Variants in GATAD2A observed in about 807,000 individuals in gnomAD.
GATAD2A encodes transcriptional repressor p66-alpha.
GATAD2A carries 12 observed loss-of-function variants against 68.5 expected under a neutral mutation model. The ratio of observed to expected loss-of-function variants is 0.18; its 90% CI spans 0.11 to 0.28. GATAD2A has a LOEUF of 0.28. GATAD2A is among the 10% of genes least tolerant of loss of function. The pLI, the probability that GATAD2A is intolerant of heterozygous loss-of-function variation, is 1.00. For missense variants in GATAD2A, 755 were observed against 868.5 expected (o/e 0.87, Z 1.64); for synonymous variants, 410 against 375.3 (o/e 1.09, Z -1.07).
chr19:19,498,328 C>A, intron 7 of GATAD2A, 115 bp from the exon 8 acceptor site: 1 of 922,250 alleles, frequency 1.1e-6, no homozygotes, highest in Non-Finnish European at 1.6e-6. Context: ...TTAAGGACGC[C>A]ATCGTCAAGG....
rs1476444808 is a variant in GATAD2A at position 19,501,430 on chromosome 19, G to T, written c.1503+14G>T. On this transcript the variant is annotated intron_variant, in intron 9 of 11. Coordinates refer to ENST00000683918, the MANE Select transcript of GATAD2A (RefSeq NM_001384528.1). ...GTGCTGAAGCAGGTGAGCCTGGCCT[G>T]CTGCCGGCAGTGCCGTCCCTAGGAG... The T allele has an allele frequency of 6.4e-7, 1 of 1,566,828 alleles. No individual in the cohort carries two copies. Among genetic ancestry groups the T allele is most frequent in the Non-Finnish European group, 8.6e-7 (1 of 1,156,502 alleles).
chr19:19,414,984 AGT>A (rs2051422626), intron 1 of GATAD2A, among the ~76,000 whole-genome samples: 2 of 150,946 alleles, frequency 1.3e-5, no homozygotes, highest in Admixed American at 6.6e-5. Flanking sequence ...GGCCAAGTGT[AGT>A]GGCTCAGGTA....
At chr19:19,502,191 C>A in intron 10 of GATAD2A, 140 bp from the exon 11 acceptor site, 1 of 847,814 alleles carries the variant, frequency 1.2e-6, no homozygotes. Context: ...GTGTAACTTA[C>A]CTGGTCTCCT....
At position 19,494,316 on chromosome 19, in the gene GATAD2A, C is replaced by T. The variant is rs1201758674; in HGVS notation, c.557C>T (p.Thr186Ile). 4 of 1,612,154 alleles carry T rather than the reference C, an allele frequency of 2.5e-6. No homozygotes were observed. The highest frequency in any genetic ancestry group is 3.4e-6 in the Non-Finnish European group (4 of 1,178,384). Reference protein sequence around the residue: ...AQKPTGSVGSTVTTPPPLVRG... With the variant: ...AQKPTGSVGSIVTTPPPLVRG... ...CAGCCCACAGGTTCTGTTGGGAGCA[C>T]CGTGACCACCCCTCCCCCGCTTGTT... The change falls in exon 5 of 12, where the codon ACC becomes ATC. Residue 186 changes from threonine to isoleucine, a missense_variant. Thr to Ile is a moderately conservative substitution (Grantham distance 89). Transcript: ENST00000683918.
intron 1 of GATAD2A, among the ~76,000 whole-genome samples, chr19:19,393,282 G>C: frequency 6.6e-6 from 1 of 152,004 alleles, no homozygotes; most frequent in Non-Finnish European, 1.5e-5. Flanking sequence ...ACTCCAGCCT[G>C]AGTGACAGAG....
chr19:19,474,860 T>C (rs2058563503), intron 2 of GATAD2A, among the ~76,000 whole-genome samples: 1 of 152,190 alleles, frequency 6.6e-6, no homozygotes, highest in Non-Finnish European at 1.5e-5. Flanking sequence ...CTTTATAGTT[T>C]TAGCCACTGG....
At chr19:19,497,193 C>T (rs1314018670) in intron 7 of GATAD2A, among the ~76,000 whole-genome samples, 1 of 152,188 alleles carries the variant, frequency 6.6e-6, no homozygotes, top group East Asian at 1.9e-4. Context: ...CCTCCATCTC[C>T]CAGGAGATAC....
At chr19:19,409,739 T>C (rs1367285990) in intron 1 of GATAD2A, among the ~76,000 whole-genome samples, 2 of 152,214 alleles carry the variant, frequency 1.3e-5, no homozygotes, top group Admixed American at 1.3e-4. Flanking sequence ...AGACCCGTAC[T>C]GTCAGAAACA....
rs1325152009 is a variant in GATAD2A at position 19,463,069 on chromosome 19, G to C, written c.-6-2271G>C. On this transcript the variant is annotated intron_variant, in intron 1 of 11. Transcript: ENST00000683918. The stretch of plus-strand genomic sequence containing the variant: ...ATCCCCAACAGTAGTTATAAGGCCA[G>C]ACTGGGAAGCTTCATCCGTAGAGTG... 2.0e-5 allele frequency among the ~76,000 whole-genome samples: 3 copies of C among 152,184 alleles called. No homozygotes were observed. In the East Asian group the frequency reaches 5.8e-4, roughly 29 times the overall value.
At chr19:19,405,619 CT>C (rs2050126965), upstream of GATAD2A, among the ~76,000 whole-genome samples, 1 of 151,924 alleles carries the variant, frequency 6.6e-6, no homozygotes, top group Non-Finnish European at 1.5e-5. Context: ...CCTTCTACGC[CT>C]GGAACCCCGC....
intron 1 of GATAD2A, among the ~76,000 whole-genome samples, chr19:19,425,063 A>AT (rs1245134072): frequency 2.0e-5 from 3 of 150,318 alleles, no homozygotes; most frequent in Non-Finnish European, 4.4e-5. Context: ...CTGTGCAACA[A>AT]TAAAAAAAAA....
At chr19:19,430,999 G>GTGTGTGTA (rs1555699906) in intron 1 of GATAD2A, among the ~76,000 whole-genome samples, 1 of 151,372 alleles carries the variant, frequency 6.6e-6, no homozygotes, top group Non-Finnish European at 1.5e-5. Flanking sequence ...GTGTGTGTGT[G>GTGTGTGTA]TGTGTGTGTG....
chr19:19,475,814 T>C (rs948132617), intron 2 of GATAD2A, among the ~76,000 whole-genome samples: 2 of 152,150 alleles, frequency 1.3e-5, no homozygotes, highest in African/African-American at 4.8e-5. Flanking sequence ...AATTTCCCTT[T>C]ATCTGGGACT....
chr19:19,395,626 TATATTATC>T (rs2049174908), intron 1 of GATAD2A, among the ~76,000 whole-genome samples: 1 of 152,178 alleles, frequency 6.6e-6, no homozygotes, highest in Non-Finnish European at 1.5e-5. Flanking sequence ...GGTTTCTTGT[TATATTATC>T]ACAGTGTTCC....
rs891808836 is a variant in GATAD2A at position 19,507,174 on chromosome 19, C to T, written c.*1700C>T. ...AGATTGGGGAAGGGTGGCTTTCATT[C>T]CAAGATCCAGGGATTTGGGGAAAAG... On this transcript the variant is annotated 3_prime_UTR_variant, in exon 12 of 12. Transcript: ENST00000683918. 6.7e-6 allele frequency: 1 copy of T among 148,942 alleles called. No individual in the cohort carries two copies. Among genetic ancestry groups the T allele is most frequent in the Non-Finnish European group, 1.5e-5 (1 of 67,702 alleles). The allele number at this position is 148,942 out of a possible 1,614,324, so 9.2% of individuals were successfully genotyped here.
chr19:19,405,196 T>C (rs2050074143), upstream of GATAD2A, among the ~76,000 whole-genome samples: 1 of 152,184 alleles, frequency 6.6e-6, no homozygotes, highest in African/African-American at 2.4e-5. Context: ...TTCTGTTCAC[T>C]GCACTGGAGA....
In GATAD2A at chr19:19,506,713, C is replaced by G. The variant is rs2060881881; in HGVS notation, c.*1239C>G. 1 of 151,964 alleles carries G rather than the reference C, an allele frequency of 6.6e-6. No individual in the cohort carries two copies. Among genetic ancestry groups the G allele is most frequent in the Non-Finnish European group, 1.5e-5 (1 of 67,984 alleles). 9.4% of individuals were successfully genotyped at this position (151,964 alleles called of 1,614,324 possible). ...ATTTTTGTTTCTTTCCCGTCCCACTCTTTAAAAACTGGTTCCGTGAGGAAA... is the reference window on the plus strand; with the variant it reads ...ATTTTTGTTTCTTTCCCGTCCCACTGTTTAAAAACTGGTTCCGTGAGGAAA... On this transcript the variant is annotated 3_prime_UTR_variant, in exon 12 of 12. Coordinates refer to ENST00000683918, the MANE Select transcript of GATAD2A (RefSeq NM_001384528.1).
intron 2 of GATAD2A, among the ~76,000 whole-genome samples, chr19:19,482,126 C>A (rs1431964672): frequency 6.6e-6 from 1 of 151,158 alleles, no homozygotes; most frequent in Admixed American, 6.6e-5. Flanking sequence ...AAAATATGAC[C>A]GAGCGCGGTG....
At chr19:19,450,919 C>T (rs1313117913) in intron 1 of GATAD2A, among the ~76,000 whole-genome samples, 2 of 151,500 alleles carry the variant, frequency 1.3e-5, no homozygotes, top group African/African-American at 4.9e-5. Context: ...TACAGGCGCC[C>T]GCCACTATGC....
Sources: allele counts gnomAD v4.1 joint callset (sites outside exome capture counted in the v4.1 genomes callset), GRCh38; gene constraint gnomAD v4.1.1; transcripts MANE v1.5; gene names NCBI Gene and HGNC (gene_info 2026-07-23, HGNC 2026-07-21).